The following EPHA4 variants were observed in gnomAD, a reference collection of about 807,000 sequenced individuals.
EPHA4 encodes the protein ephrin type-A receptor 4.
A neutral mutation model predicts 108.3 loss-of-function variants in EPHA4; 19 were observed. The ratio of observed to expected loss-of-function variants is 0.18; its 90% CI spans 0.12 to 0.26. The LOEUF is 0.26. Ranked by LOEUF, EPHA4 falls within the 10% of genes least tolerant of loss-of-function variation. The probability of loss-of-function intolerance (pLI) is 1.00; values close to 1 mark genes in which losing one functional copy is unlikely to be tolerated. For missense variants in EPHA4, 917 were observed against 1,254.0 expected (o/e 0.73, Z 4.06); for synonymous variants, 449 against 455.5 (o/e 0.99, Z 0.18).
chr2:221,539,785 G>A (rs1693778488), intron 3 of EPHA4, among the ~76,000 whole-genome samples: 3 of 152,196 alleles, frequency 2.0e-5, no homozygotes, highest in African/African-American at 7.2e-5. Context: ...GATTTAGGAA[G>A]ACTTGTAATC....
At chr2:221,489,982 C>T (rs1692091894) in intron 4 of EPHA4, among the ~76,000 whole-genome samples, 1 of 151,790 alleles carries the variant, frequency 6.6e-6, no homozygotes, top group Admixed American at 6.6e-5. Context: ...CCTGTCCCTG[C>T]AAAAATTATA....
At chr2:221,528,891 G>C (rs529092168) in intron 3 of EPHA4, among the ~76,000 whole-genome samples, 1 of 152,054 alleles carries the variant, frequency 6.6e-6, no homozygotes, top group South Asian at 2.1e-4. Context: ...TCCTCTGTCC[G>C]ACATACTCTC....
In EPHA4 at chr2:221,437,043, T is replaced by C. The variant is rs2106099594; in HGVS notation, c.2136+18A>G. On this transcript the variant is annotated intron_variant, in intron 12 of 17. Coordinates refer to ENST00000281821, the MANE Select transcript of EPHA4 (RefSeq NM_004438.5). Reference sequence around the variant, plus strand: ...TAAATACCAACATTCTTGGGTTTAATATAAAGTAGTCACATACCCTGAGGA... The same window carrying C: ...TAAATACCAACATTCTTGGGTTTAACATAAAGTAGTCACATACCCTGAGGA... 7 of 1,583,502 alleles carry C rather than the reference T, an allele frequency of 4.4e-6. No homozygotes were observed. Among genetic ancestry groups the C allele is most frequent in the East Asian group, 2.2e-5 (1 of 44,716 alleles).
At chr2:221,479,265 T>G (rs969918033) in intron 5 of EPHA4, among the ~76,000 whole-genome samples, 3 of 152,242 alleles carry the variant, frequency 2.0e-5, no homozygotes, top group Admixed American at 6.5e-5. Flanking sequence ...GACATTAGCA[T>G]GGGTGAGTCA....
At chr2:221,474,631 C>T (rs2106133951) in intron 5 of EPHA4, among the ~76,000 whole-genome samples, 1 of 152,224 alleles carries the variant, frequency 6.6e-6, no homozygotes, top group Non-Finnish European at 1.5e-5. Context: ...CTACTAACAA[C>T]TGAGGATGCG....
At chr2:221,446,773 T>A (rs1037672068) in intron 8 of EPHA4, among the ~76,000 whole-genome samples, 5 of 152,154 alleles carry the variant, frequency 3.3e-5, no homozygotes, top group African/African-American at 7.2e-5. Context: ...CCCAACTTAT[T>A]AACAAAATGT....
chr2:221,566,999 A>AGAAGAAGAAGAAGAAGAG (rs2106212483), intron 2 of EPHA4, among the ~76,000 whole-genome samples: 1 of 141,072 alleles, frequency 7.1e-6, no homozygotes, highest in South Asian at 2.3e-4. Context: ...AAGAAGAAGA[A>AGAAGAAGAAGAAGAAGAG]GAAGAAGAAG....
At chr2:221,500,456 T>C (rs1692455608) in intron 4 of EPHA4, among the ~76,000 whole-genome samples, 1 of 152,212 alleles carries the variant, frequency 6.6e-6, no homozygotes, top group African/African-American at 2.4e-5. Context: ...CTGCTCTTCA[T>C]ACCAAGCTTC....
intron 3 of EPHA4, among the ~76,000 whole-genome samples, chr2:221,542,817 A>T (rs555004285): frequency 1.3e-5 from 2 of 152,362 alleles, no homozygotes; most frequent in East Asian, 3.8e-4. Context: ...AGAATCCTAC[A>T]TTTGTTTAAA....
intron 11 of EPHA4, among the ~76,000 whole-genome samples, chr2:221,439,484 T>C (rs1379609002): frequency 2.0e-5 from 3 of 151,598 alleles, no homozygotes; most frequent in Non-Finnish European, 4.4e-5. Flanking sequence ...TGAATTTCTT[T>C]TCTTTTCTTT....
intron 3 of EPHA4, among the ~76,000 whole-genome samples, chr2:221,520,543 C>CAG (rs1196546096): frequency 7.4e-5 from 2 of 27,038 alleles, no homozygotes; most frequent in East Asian, 5.2e-4. Flanking sequence ...CACACACACA[C>CAG]AGAGAGAGAG....
At chr2:221,469,461 A>G (rs1691410376) in intron 5 of EPHA4, among the ~76,000 whole-genome samples, 1 of 152,208 alleles carries the variant, frequency 6.6e-6, no homozygotes, top group African/African-American at 2.4e-5. Flanking sequence ...GTTATTAGAA[A>G]TCCTTTTAAA....
chr2:221,513,198 G>A (rs1309438450), intron 3 of EPHA4, among the ~76,000 whole-genome samples: 1 of 152,188 alleles, frequency 6.6e-6, no homozygotes, highest in East Asian at 1.9e-4. Context: ...TTGAGGGAGA[G>A]CACAGTCCAA....
intron 13 of EPHA4, among the ~76,000 whole-genome samples, chr2:221,434,809 T>G (rs1266312817): frequency 6.6e-6 from 1 of 152,124 alleles, no homozygotes; most frequent in African/African-American, 2.4e-5. Context: ...ATATGATAAA[T>G]AGGCCTTTAG....
chr2:221,446,614 A>G (rs1216848887), intron 8 of EPHA4, among the ~76,000 whole-genome samples: 1 of 152,150 alleles, frequency 6.6e-6, no homozygotes, highest in Non-Finnish European at 1.5e-5. Flanking sequence ...TGTAAATCAA[A>G]TGGCAGTAAT....
chr2:221,449,041 A>G (rs959973301), intron 8 of EPHA4, among the ~76,000 whole-genome samples: 2 of 152,148 alleles, frequency 1.3e-5, no homozygotes, highest in African/African-American at 4.8e-5. Context: ...GAATTAAATT[A>G]GTGGTGAAGG....
At chr2:221,490,129 A>T (rs1333807266) in intron 4 of EPHA4, among the ~76,000 whole-genome samples, 1 of 137,036 alleles carries the variant, frequency 7.3e-6, no homozygotes, top group Non-Finnish European at 1.6e-5. Context: ...CTGAGTGATG[A>T]ATTGAGACCC....
rs58143142 is a variant in EPHA4, at chr2:221,483,500, T to TTGTGTGTG, written c.980-818_980-811dup. Among the ~76,000 whole-genome samples the TTGTGTGTG allele has an allele frequency of 7.0e-3, 1,013 of 143,788 alleles. 5 individuals are homozygous for TTGTGTGTG. The highest frequency in any genetic ancestry group is 0.013 in the African/African-American group (504 of 38,696). The allele number at this position is 143,788 out of a possible 152,430, so 94.3% of individuals were successfully genotyped here. A position where few individuals can be genotyped will look rare whatever the true frequency, so the allele number is the denominator to read the frequency against. ...GAAACTCTTGTTTCTTGATGTAGAT[T>TTGTGTGTG]TGTGTGTGTGTGTGTGTGTGTGTGT... On this transcript the variant is annotated intron_variant, in intron 4 of 17. Transcript: ENST00000281821.
rs370430891 is a variant in EPHA4, at chr2:221,572,256, C to T, written c.-8G>A. Reference sequence around the variant, plus strand: ...ATAGAAAATCCCAGCCATGGTTCGCCGGTGCCAACGCTGCTCCTGCCGCTT... The same window carrying T: ...ATAGAAAATCCCAGCCATGGTTCGCTGGTGCCAACGCTGCTCCTGCCGCTT... On this transcript the variant is annotated 5_prime_UTR_variant, in exon 1 of 18. Transcript: ENST00000281821. The T allele has an allele frequency of 5.6e-6, 9 of 1,611,816 alleles. No individual in the cohort carries two copies. Among genetic ancestry groups the T allele is most frequent in the African/African-American group, 1.3e-5 (1 of 74,890 alleles).
Sources: gnomAD v4.1 joint callset for allele counts (sites outside exome capture counted in the v4.1 genomes callset) on GRCh38, gnomAD v4.1.1 for gene constraint, MANE v1.5 for transcripts, NCBI Gene and HGNC (gene_info 2026-07-23, HGNC 2026-07-21) for gene names.